The following MILR1 variants were observed in gnomAD, a reference collection of about 807,000 sequenced individuals.
The protein encoded by MILR1 is mast cell immunoglobulin like receptor 1.
Under a neutral mutation model 18.5 loss-of-function variants are expected in MILR1, and 31 were observed. The observed-to-expected ratio is 1.68, with a 90% CI of 1.26 to 2.26. MILR1 has a LOEUF of 2.26. Ranked by LOEUF, MILR1 falls within the 30% of genes most tolerant of loss-of-function variation. The probability of loss-of-function intolerance (pLI) is 0.00; values close to 1 mark genes in which losing one functional copy is unlikely to be tolerated. For missense variants in MILR1, 257 were observed against 157.4 expected, an observed-to-expected ratio of 1.63 and a Z score of -3.38; for synonymous variants, 85 against 56.2, an observed-to-expected ratio of 1.51 and a Z score of -2.30.
In MILR1 at chr17:64,449,219, C is replaced by G. The variant is rs1397076308; in HGVS notation, c.51C>G (p.Val17=). ...TCTTCTGGAGCATATTTTCTTCTGT[C>G]ACTTGTAAGCCCCCCTTATCATTCT... is the stretch of plus-strand genomic sequence containing the variant. ...RLLFWSIFSS[V]TCRKAVLDCE... is the part of the protein sequence containing the mutation. The change falls in exon 1 of 10, where the codon GTC becomes GTG. Residue 17 remains valine (V), a synonymous_variant. Transcript: ENST00000619286. The G allele has an allele frequency of 1.5e-5, 7 of 473,172 alleles. No homozygotes were observed. The highest frequency in any genetic ancestry group is 1.4e-4 in the African/African-American group (7 of 50,480). 29.3% of individuals were successfully genotyped at this position (473,172 alleles called of 1,614,324 possible).
chr17:64,471,210 T>A (rs1407955522), downstream of MILR1, among the ~76,000 whole-genome samples: 1 of 151,960 alleles, frequency 6.6e-6, no homozygotes, highest in Non-Finnish European at 1.5e-5. Context: ...CAATGCGCCA[T>A]GGGAAAAACC....
chr17:64,464,065 G>A (rs977284981), intron 5 of MILR1, among the ~76,000 whole-genome samples: 10 of 150,192 alleles, frequency 6.7e-5, no homozygotes, highest in Admixed American at 2.0e-4. Flanking sequence ...CTCGTGATCC[G>A]CCCACCGCGG....
At chr17:64,491,481 G>A in the MILR1 span, 891 of 1,283,226 alleles carry the variant, frequency 6.9e-4, 1 homozygote, top group South Asian at 1.7e-3. Context: ...CGGCAGTCCA[G>A]CCCGGGCAAA....
chr17:64,450,454 C>T (rs1459533538), intron 2 of MILR1, among the ~76,000 whole-genome samples: 1 of 152,118 alleles, frequency 6.6e-6, no homozygotes, highest in Non-Finnish European at 1.5e-5. Flanking sequence ...CCGTTATCAA[C>T]AGTCACTTTA....
chr17:64,496,434 C>A, the MILR1 span: 2 of 1,587,462 alleles, frequency 1.3e-6, no homozygotes, highest in African/African-American at 1.3e-5. Flanking sequence ...CGTAGTTTCC[C>A]AGAAGTTTTT....
At chr17:64,474,169 G>A in the MILR1 span, among the ~76,000 whole-genome samples, 3 of 152,056 alleles carry the variant, frequency 2.0e-5, no homozygotes, top group African/African-American at 7.2e-5. Context: ...CTGCCTCCCA[G>A]GTCCAAGCAA....
At chr17:64,472,636 TACACAAATACTTA>T (rs781813921), downstream of MILR1, among the ~76,000 whole-genome samples, 34 of 152,254 alleles carry the variant, frequency 2.2e-4, no homozygotes, top group Non-Finnish European at 3.5e-4. Context: ...CACATTTAGA[TACACAAATACTTA>T]CCATTGTGCT....
At position 64,468,160 on chromosome 17, in the gene MILR1, C is replaced by T. The variant is rs1375467178; in HGVS notation, c.*29-150C>T. The T allele has an allele frequency of 6.8e-6, 3 of 443,320 alleles. No individual in the cohort carries two copies. In the Admixed American group the frequency reaches 7.7e-5, roughly 11 times the overall value. 27.5% of individuals were successfully genotyped at this position (443,320 alleles called of 1,614,324 possible). A position where few individuals can be genotyped will look rare whatever the true frequency, so the allele number is the denominator to read the frequency against. ...GAGCAACCATTTCTGTAGAGCCATG[C>T]TCCCTCCAAAAGTTGTGGGGAGGAC... On this transcript the variant is annotated intron_variant, in intron 9 of 9. Coordinates refer to ENST00000619286, the MANE Select transcript of MILR1 (RefSeq NM_001085423.2).
the MILR1 span, chr17:64,492,817 A>G: frequency 6.2e-7 from 1 of 1,600,542 alleles, no homozygotes. Context: ...TCTGAAAATT[A>G]TATAATTTAT....
intron 8 of MILR1, among the ~76,000 whole-genome samples, chr17:64,466,964 CCTCT>C (rs1179781519): frequency 9.9e-5 from 15 of 151,544 alleles, no homozygotes; most frequent in South Asian, 4.2e-4. Flanking sequence ...TCCCTCCCTC[CCTCT>C]CTCTCTTTCT....
chr17:64,489,028 CTTTTTT>C, the MILR1 span, among the ~76,000 whole-genome samples: 1 of 136,474 alleles, frequency 7.3e-6, no homozygotes, highest in Admixed American at 7.3e-5. Context: ...TTTTCTTTTT[CTTTTTT>C]TTTTTTTTTG....
chr17:64,486,436 T>C, the MILR1 span, among the ~76,000 whole-genome samples: 6 of 151,744 alleles, frequency 4.0e-5, no homozygotes, highest in South Asian at 2.1e-4. Flanking sequence ...TCTCACCTCA[T>C]TGCCAACCTC....
chr17:64,480,317 G>A, the MILR1 span: 2 of 1,584,856 alleles, frequency 1.3e-6, no homozygotes, highest in Non-Finnish European at 1.7e-6. Context: ...AATGAGGACT[G>A]CATAGTTTCC....
the MILR1 span, chr17:64,483,014 TG>T: frequency 2.1e-6 from 3 of 1,406,162 alleles, no homozygotes; most frequent in Non-Finnish European, 3.0e-6. Context: ...GGCAATTAAA[TG>T]GGGGAGGGAG....
Position 64,460,824 on chromosome 17 carries a change from G to A in MILR1, c.655G>A (p.Gly219Arg), listed in dbSNP as rs1160608693. ...SHPVTMPSTG[G>R]DSCPFCLKLL... is the part of the protein sequence containing the mutation. ...CAATGGATGCGGTCTTCTTCCAGGC[G>A]GAGACAGCTGTCCTTTCTGTCTGAA... The change falls in exon 5 of 10, where the codon GGA becomes AGA. Residue 219 changes from glycine to arginine, a missense_variant and splice_region_variant. Physicochemically the swap from Gly to Arg is moderately radical, Grantham distance 125. Coordinates refer to ENST00000619286, the MANE Select transcript of MILR1 (RefSeq NM_001085423.2). 10 of 474,924 alleles carry A rather than the reference G, an allele frequency of 2.1e-5. No individual in the cohort carries two copies. Among genetic ancestry groups the A allele is most frequent in the African/African-American group, 2.0e-4 (10 of 50,490 alleles). The allele number at this position is 474,924 out of a possible 1,614,324, so 29.4% of individuals were successfully genotyped here. A position where few individuals can be genotyped will look rare whatever the true frequency, so the allele number is the denominator to read the frequency against.
Position 64,466,654 on chromosome 17 carries a change from G to GA in MILR1, c.972dup (p.Glu325ArgfsTer6), listed in dbSNP as rs1555663349. On this transcript the variant is annotated frameshift_variant, in exon 8 of 10. Coordinates refer to ENST00000619286, the MANE Select transcript of MILR1 (RefSeq NM_001085423.2). LOFTEE classifies it high-confidence loss of function. Reference sequence around the variant, plus strand: ...CCCGTGTTCCAGGAGGTGGCACCAAGAGAGCAAGGTGAGCCACAGGTTGGG... The same window carrying GA: ...CCCGTGTTCCAGGAGGTGGCACCAAGAAGAGCAAGGTGAGCCACAGGTTGGG... The GA allele has an allele frequency of 1.2e-6, 2 of 1,607,398 alleles. No individual in the cohort carries two copies. Among genetic ancestry groups the GA allele is most frequent in the Non-Finnish European group, 1.7e-6 (2 of 1,177,024 alleles).
At chr17:64,490,756 T>A in the MILR1 span, 2 of 1,493,656 alleles carry the variant, frequency 1.3e-6, no homozygotes, top group Non-Finnish European at 1.9e-6. Context: ...TTATAGAGAA[T>A]CTGGGTAAAA....
the MILR1 span, among the ~76,000 whole-genome samples, chr17:64,494,021 T>C: frequency 6.6e-6 from 1 of 152,198 alleles, no homozygotes; most frequent in Non-Finnish European, 1.5e-5. Context: ...TATGGTGATA[T>C]TTTAGTTGTT....
At chr17:64,496,311 G>A in the MILR1 span, 1 of 757,276 alleles carries the variant, frequency 1.3e-6, no homozygotes, top group Non-Finnish European at 2.3e-6. Flanking sequence ...TTCCTTGCAT[G>A]GGAATACAGG....
Sources: gnomAD v4.1 joint callset for allele counts (sites outside exome capture counted in the v4.1 genomes callset) on GRCh38, gnomAD v4.1.1 for gene constraint, MANE v1.5 for transcripts, NCBI Gene and HGNC (gene_info 2026-07-23, HGNC 2026-07-21) for gene names.